RIOK3: variants seen among roughly 807,000 people sequenced by gnomAD.
RIOK3 encodes the protein RIO kinase 3.
RIOK3 carries 40 observed loss-of-function variants against 63.5 expected under a neutral mutation model. The ratio of observed to expected loss-of-function variants is 0.63; its 90% CI spans 0.49 to 0.82. RIOK3 has a LOEUF of 0.82. Among genes scored for constraint, RIOK3 ranks in the 40% least tolerant of loss-of-function variants. The pLI, the probability that RIOK3 is intolerant of heterozygous loss-of-function variation, is 0.00. For synonymous variants in RIOK3, 193 were observed against 205.0 expected (o/e 0.94, Z 0.50); for missense variants, 557 against 637.0 (o/e 0.87, Z 1.35).
intron 8 of RIOK3, 86 bp downstream of exon 8, chr18:23,473,712 A>G: frequency 2.0e-6 from 2 of 992,602 alleles, no homozygotes; most frequent in South Asian, 1.7e-5. Context: ...TTTTACATTC[A>G]TTTATAGAAA....
At chr18:23,453,638 T>TG (rs1346348285) in intron 1 of RIOK3, 136 bp downstream of exon 1, 1 of 755,806 alleles carries the variant, frequency 1.3e-6, no homozygotes, top group East Asian at 2.5e-5. Context: ...AAGGGGGCAC[T>TG]GGCCGCGGGG....
At chr18:23,465,664 A>G (rs1257884640) in intron 5 of RIOK3, among the ~76,000 whole-genome samples, 2 of 152,224 alleles carry the variant, frequency 1.3e-5, no homozygotes, top group African/African-American at 2.4e-5. Flanking sequence ...TTTAATTTTA[A>G]TTAACTTAAA....
chr18:23,453,703 C>T (rs1352803499), intron 1 of RIOK3, among the ~76,000 whole-genome samples: 1 of 152,224 alleles, frequency 6.6e-6, no homozygotes, highest in Non-Finnish European at 1.5e-5. Flanking sequence ...GGCTGGATCT[C>T]CCAAAGGCCA....
intron 11 of RIOK3, among the ~76,000 whole-genome samples, chr18:23,478,681 G>T (rs1205275204): frequency 8.6e-6 from 1 of 116,884 alleles, no homozygotes; most frequent in Non-Finnish European, 1.8e-5. Flanking sequence ...TAAGCACAGG[G>T]TTGGGTCACA....
chr18:23,472,944 G>A (rs982637376), intron 7 of RIOK3, among the ~76,000 whole-genome samples: 1 of 152,154 alleles, frequency 6.6e-6, no homozygotes, highest in Non-Finnish European at 1.5e-5. Context: ...CAATGAAGAG[G>A]GACCTTTCCT....
At chr18:23,455,662 T>G (rs1191533108) in intron 1 of RIOK3, among the ~76,000 whole-genome samples, 1 of 151,772 alleles carries the variant, frequency 6.6e-6, no homozygotes, top group Admixed American at 6.6e-5. Context: ...CTTTTTTAAT[T>G]GAGACAGGGT....
Position 23,453,460 on chromosome 18 carries a change from A to G in RIOK3, c.21A>G (p.Ala7=). The G allele has an allele frequency of 6.2e-7, 1 of 1,613,832 alleles. No homozygotes were observed. The highest frequency in any genetic ancestry group is 2.2e-5 in the East Asian group (1 of 44,880). MDLVGV[A]SPEPGTAAAW... The stretch of plus-strand genomic sequence containing the variant: ...CCCGAATGGATCTGGTAGGAGTGGC[A>G]TCGCCTGAGCCCGGGACGGCAGCGG... The change falls in exon 1 of 13, where the codon GCA becomes GCG. Residue 7 remains alanine, a synonymous_variant. Coordinates refer to ENST00000339486, the MANE Select transcript of RIOK3 (RefSeq NM_003831.5).
intron 7 of RIOK3, among the ~76,000 whole-genome samples, chr18:23,470,133 T>G (rs2047684): frequency 0.18 from 27,926 of 151,882 alleles, 3,664 homozygotes; most frequent in East Asian, 0.34. Flanking sequence ...GGAGGACCGA[T>G]GGGGGCGGAT....
At position 23,467,518 on chromosome 18, in the gene RIOK3, TGGAGGG is replaced by T; in HGVS notation, c.808_813del (p.Gly270_Gly271del). ...AGGAGTCTGTTGTCTTTCATGCATA[TGGAGGG>T]AGGTAAATGAGCAAAATATGATACC... On this transcript the variant is annotated inframe_deletion and splice_region_variant, in exon 7 of 13. Coordinates refer to ENST00000339486, the MANE Select transcript of RIOK3 (RefSeq NM_003831.5). The T allele has an allele frequency of 1.2e-5, 19 of 1,612,866 alleles. No individual in the cohort carries two copies. The highest frequency in any genetic ancestry group is 1.6e-5 in the Non-Finnish European group (19 of 1,179,358).
Position 23,467,515 on chromosome 18 carries a change from A to G in RIOK3, c.804A>G (p.Ala268=). ...GAAAGGAGTCTGTTGTCTTTCATGC[A>G]TATGGAGGGAGGTAAATGAGCAAAA... is the stretch of plus-strand genomic sequence containing the variant. ...STGKESVVFH[A]YGGSMEDEKE... The change falls in exon 7 of 13, where the codon GCA becomes GCG. Residue 268 remains alanine, a synonymous_variant. Coordinates refer to ENST00000339486, the MANE Select transcript of RIOK3 (RefSeq NM_003831.5). 6.2e-7 allele frequency: 1 copy of G among 1,613,066 alleles called. No homozygotes were observed. The highest frequency in any genetic ancestry group is 8.5e-7 in the Non-Finnish European group (1 of 1,179,426).
At chr18:23,473,910 C>G (rs966358165) in intron 8 of RIOK3, among the ~76,000 whole-genome samples, 5 of 152,126 alleles carry the variant, frequency 3.3e-5, no homozygotes, top group Non-Finnish European at 2.9e-5. Flanking sequence ...TCCAATTAGG[C>G]TTAGCATAAA....
At position 23,464,521 on chromosome 18, in the gene RIOK3, A is replaced by C; in HGVS notation, c.436A>C (p.Lys146Gln). Residue 146 changes from lysine (K) to glutamine (Q), a missense_variant and splice_region_variant, in exon 5 of 13, where the codon AAA becomes CAA. By Grantham distance (53) the Lys-to-Gln change is moderately conservative. Around this residue, in one of 3 missense-constraint regions of RIOK3, gnomAD observed 243 missense variants for 275.4 expected, o/e 0.88. Transcript: ENST00000339486. ...TGGCTTATTTCAATTGCCTTTAGCA[A>C]AACCGGTTCCCACTCCTAAAAAGGG... ...DTRDDPYRPA[K>Q]PVPTPKKGFI... 2 of 1,591,530 alleles carry C rather than the reference A, an allele frequency of 1.3e-6. No homozygotes were observed. The highest frequency in any genetic ancestry group is 1.7e-6 in the Non-Finnish European group (2 of 1,170,800).
chr18:23,481,305 A>C lies in RIOK3; in HGVS notation c.*26A>C. 1 of 1,369,238 alleles carries C rather than the reference A, an allele frequency of 7.3e-7. No individual in the cohort carries two copies. The highest frequency in any genetic ancestry group is 1.0e-6 in the Non-Finnish European group (1 of 989,914). The allele number at this position is 1,369,238 out of a possible 1,614,324, so 84.8% of individuals were successfully genotyped here. On this transcript the variant is annotated 3_prime_UTR_variant, in exon 13 of 13. Transcript: ENST00000339486. ...CACTAATACCCACTGCTTCAGTGTT[A>C]ACACAGCAGTGATTGTCAGCTGCCA...
At chr18:23,475,416 T>C (rs1373608106) in intron 9 of RIOK3, among the ~76,000 whole-genome samples, 1 of 146,916 alleles carries the variant, frequency 6.8e-6, no homozygotes, top group Non-Finnish European at 1.5e-5. Context: ...TGAACCAAGA[T>C]TGCACCACTG....
intron 12 of RIOK3, among the ~76,000 whole-genome samples, chr18:23,480,559 A>G (rs192515352): frequency 6.2e-5 from 8 of 128,626 alleles, no homozygotes; most frequent in East Asian, 2.0e-4. Flanking sequence ...ATGCACGCAC[A>G]CACACACACA....
intron 2 of RIOK3, 83 bp from the exon 3 acceptor site, chr18:23,463,884 A>ATTT: frequency 8.5e-7 from 1 of 1,171,890 alleles, no homozygotes; most frequent in South Asian, 1.5e-5. Flanking sequence ...TTAACATGGA[A>ATTT]AAGGCACCTC....
intron 12 of RIOK3, among the ~76,000 whole-genome samples, chr18:23,480,555 G>GCGCACACACACA (rs779698307): frequency 0.022 from 3,177 of 142,050 alleles, 57 homozygotes; most frequent in East Asian, 0.063. Context: ...TTGGATGCAC[G>GCGCACACACACA]CACACACACA....
At chr18:23,467,338 G>A (rs1332166237) in intron 6 of RIOK3, 61 bp from the exon 7 acceptor site, 1 of 1,527,900 alleles carries the variant, frequency 6.5e-7, no homozygotes, top group African/African-American at 1.4e-5. Flanking sequence ...TATTAGAAGT[G>A]GCTCAGAAAA....
intron 12 of RIOK3, 111 bp downstream of exon 12, chr18:23,479,535 A>G (rs1383786335): frequency 1.7e-6 from 1 of 589,948 alleles, no homozygotes; most frequent in Non-Finnish European, 3.0e-6. Context: ...AACAAAATTA[A>G]TTTGAGATTT....
Sources: gnomAD v4.1 joint callset for allele counts (sites outside exome capture counted in the v4.1 genomes callset) on GRCh38, gnomAD v4.1.1 for gene constraint, gnomAD v4.1.1 regional missense constraint, MANE v1.5 for transcripts, NCBI Gene and HGNC (gene_info 2026-07-23, HGNC 2026-07-21) for gene names.